The following GMDS variants were observed in gnomAD, a reference collection of about 807,000 sequenced individuals.
GMDS encodes GDP-mannose 4,6-dehydratase.
In GMDS, 20 loss-of-function variants were observed where a neutral mutation model predicts 49.9. The observed-to-expected ratio is 0.40, with a 90% CI of 0.28 to 0.58. GMDS has a LOEUF of 0.58. Ranked by LOEUF, GMDS falls within the 20% of genes least tolerant of loss-of-function variation. The pLI is 0.42. For missense variants in GMDS, 362 were observed against 481.4 expected, an observed-to-expected ratio of 0.75 and a Z score of 2.32; for synonymous variants, 177 against 178.6, an observed-to-expected ratio of 0.99 and a Z score of 0.07.
At position 1,635,720 on chromosome 6, in the gene GMDS, T is replaced by C. The variant is rs574670295; in HGVS notation, c.988-11180A>G. On this transcript the variant is annotated intron_variant, in intron 9 of 10. Coordinates refer to ENST00000380815, the MANE Select transcript of GMDS (RefSeq NM_001500.4). This position sits in a 1 kb window ranked among gnomAD's most constrained non-coding sequence, Gnocchi z 4.7. ...GCAAACGAGAGCCTGGTTCATACTC[T>C]GCCAACTTGCCTAAAATGATACTGC... Among the ~76,000 whole-genome samples, 29 of 152,312 alleles carry C rather than the reference T, an allele frequency of 1.9e-4. No individual in the cohort carries two copies. Among genetic ancestry groups the C allele is most frequent in the African/African-American group, 6.5e-4 (27 of 41,576 alleles).
At chr6:2,026,327 G>T (rs1304755491) in intron 4 of GMDS, among the ~76,000 whole-genome samples, 1 of 152,144 alleles carries the variant, frequency 6.6e-6, no homozygotes, top group African/African-American at 2.4e-5. Flanking sequence ...CATTCATGAG[G>T]TTCCATTTGT....
At chr6:2,137,096 G>A (rs1315014455) in intron 1 of GMDS, among the ~76,000 whole-genome samples, 1 of 151,984 alleles carries the variant, frequency 6.6e-6, no homozygotes, top group Non-Finnish European at 1.5e-5. Context: ...TCAACAAAGA[G>A]CTCTTCAAAT....
At chr6:2,161,913 G>C (rs980496696) in intron 1 of GMDS, among the ~76,000 whole-genome samples, 2 of 152,214 alleles carry the variant, frequency 1.3e-5, no homozygotes, top group Admixed American at 6.5e-5. Context: ...AGGAGTCACT[G>C]TCAATAAACT....
intron 9 of GMDS, among the ~76,000 whole-genome samples, chr6:1,659,445 C>T (rs895627488): frequency 6.6e-6 from 1 of 152,098 alleles, no homozygotes; most frequent in Non-Finnish European, 1.5e-5. Flanking sequence ...TGCATTCCAT[C>T]CCAGTCCTCC....
intron 9 of GMDS, among the ~76,000 whole-genome samples, chr6:1,723,821 C>G (rs530671997): frequency 2.0e-4 from 31 of 152,220 alleles, no homozygotes; most frequent in East Asian, 1.5e-3. Flanking sequence ...CCACATGTAT[C>G]CTAAGTTGAA....
At chr6:2,192,572 T>C (rs1360963040) in intron 1 of GMDS, among the ~76,000 whole-genome samples, 1 of 152,230 alleles carries the variant, frequency 6.6e-6, no homozygotes, top group African/African-American at 2.4e-5. Flanking sequence ...TGGGGCCCCA[T>C]GGTTCCTGGC....
intron 1 of GMDS, among the ~76,000 whole-genome samples, chr6:2,127,244 T>C (rs1263974074): frequency 2.0e-5 from 3 of 152,160 alleles, no homozygotes; most frequent in Non-Finnish European, 4.4e-5. Context: ...ATATTTGCAA[T>C]AAGACTAATA....
intron 4 of GMDS, among the ~76,000 whole-genome samples, chr6:2,013,009 G>T (rs530892724): frequency 6.6e-6 from 1 of 152,066 alleles, no homozygotes; most frequent in East Asian, 1.9e-4. Context: ...AACTCTGGCC[G>T]CATCTATCTG....
chr6:1,743,872 T>G (rs71547226), intron 7 of GMDS, among the ~76,000 whole-genome samples: 13,647 of 152,016 alleles, frequency 0.09, 696 homozygotes, highest in African/African-American at 0.13. Flanking sequence ...TTTTCATCAC[T>G]TCCACCCACT....
rs976456504 is a variant in GMDS, at chr6:2,116,439, T to G, written c.236-559A>C. 3.3e-5 allele frequency among the ~76,000 whole-genome samples: 5 copies of G among 152,320 alleles called. 1 individual carries two copies. Among genetic ancestry groups the G allele is most frequent in the Admixed American group, 1.3e-4 (2 of 15,300 alleles). ...ACACTGACTTCATTAGCATAAGAATTTGATACATGTGGATGGGTGATGTAC... is the reference window on the plus strand; with the variant it reads ...ACACTGACTTCATTAGCATAAGAATGTGATACATGTGGATGGGTGATGTAC... On this transcript the variant is annotated intron_variant, in intron 3 of 10. Transcript: ENST00000380815.
chr6:1,856,335 T>C (rs993823342), intron 7 of GMDS, among the ~76,000 whole-genome samples: 8 of 152,092 alleles, frequency 5.3e-5, no homozygotes, highest in African/African-American at 1.9e-4. Flanking sequence ...CTGTGAGAGG[T>C]TGCCTGTATC....
chr6:2,194,862 C>G (rs913574895), intron 1 of GMDS, among the ~76,000 whole-genome samples: 1 of 152,240 alleles, frequency 6.6e-6, no homozygotes, highest in Non-Finnish European at 1.5e-5. Context: ...GTACAGTCAA[C>G]TGAACATTAT....
chr6:2,012,168 T>C (rs1464919985), intron 4 of GMDS, among the ~76,000 whole-genome samples: 1 of 152,116 alleles, frequency 6.6e-6, no homozygotes, highest in Non-Finnish European at 1.5e-5. Context: ...TGTACTCTAT[T>C]TGGGTGATGA....
At chr6:2,110,598 C>T (rs1358898272) in intron 4 of GMDS, among the ~76,000 whole-genome samples, 1 of 152,166 alleles carries the variant, frequency 6.6e-6, no homozygotes, top group Non-Finnish European at 1.5e-5. Flanking sequence ...TGTTCAGACT[C>T]AACCCCCTGG....
intron 1 of GMDS, among the ~76,000 whole-genome samples, chr6:2,159,851 C>A (rs1044385097): frequency 4.6e-5 from 7 of 152,028 alleles, no homozygotes; most frequent in South Asian, 2.1e-4. Context: ...CACAGTTCAT[C>A]TATGTGTTTT....
chr6:1,872,033 C>T (rs942074497), intron 7 of GMDS, among the ~76,000 whole-genome samples: 1 of 152,202 alleles, frequency 6.6e-6, no homozygotes, highest in African/African-American at 2.4e-5. Context: ...ATCCTCCTTT[C>T]CCTATTACTG....
intron 7 of GMDS, among the ~76,000 whole-genome samples, chr6:1,768,909 T>G (rs1425137689): frequency 6.6e-6 from 1 of 152,244 alleles, no homozygotes; most frequent in Non-Finnish European, 1.5e-5. Context: ...ATATTTCTCA[T>G]TTTTTGTGTG....
intron 7 of GMDS, among the ~76,000 whole-genome samples, chr6:1,792,476 C>T (rs996062966): frequency 6.6e-6 from 1 of 152,172 alleles, no homozygotes; most frequent in African/African-American, 2.4e-5. Context: ...CTGTTGTCTG[C>T]TTGGGACTTC....
chr6:1,850,934 G>A (rs1243405499), intron 7 of GMDS, among the ~76,000 whole-genome samples: 1 of 152,162 alleles, frequency 6.6e-6, no homozygotes, highest in Non-Finnish European at 1.5e-5. Context: ...TCTCTGCTGT[G>A]GGAATTAGGT....
Sources: gnomAD v4.1 joint callset for allele counts (sites outside exome capture counted in the v4.1 genomes callset) on GRCh38, gnomAD v4.1.1 for gene constraint, Gnocchi (gnomAD v3.1) non-coding constraint, MANE v1.5 for transcripts, NCBI Gene and HGNC (gene_info 2026-07-23, HGNC 2026-07-21) for gene names.